Variants in TDRD1 observed in about 807,000 individuals in gnomAD.
TDRD1 encodes tudor domain containing 1, also known as tudor domain-containing protein 1.
In TDRD1, 37 loss-of-function variants were observed where a neutral mutation model predicts 140.6. That is an observed-to-expected ratio of 0.26 (90% CI 0.20 to 0.35). TDRD1 has a LOEUF of 0.35. Among genes scored for constraint, TDRD1 ranks in the 10% least tolerant of loss-of-function variants. The probability of loss-of-function intolerance (pLI) is 1.00; values close to 1 mark genes in which losing one functional copy is unlikely to be tolerated. For missense variants in TDRD1, 1,243 were observed against 1,393.0 expected (o/e 0.89, Z 1.71); for synonymous variants, 506 against 475.7 (o/e 1.06, Z -0.83).
At chr10:114,209,746 T>C (rs2035363013) in intron 11 of TDRD1, among the ~76,000 whole-genome samples, 1 of 152,238 alleles carries the variant, frequency 6.6e-6, no homozygotes, top group Non-Finnish European at 1.5e-5. Context: ...AGTCAACCTA[T>C]AGGTTCATGG....
chr10:114,196,224 T>A (rs2034337387), intron 3 of TDRD1, among the ~76,000 whole-genome samples: 1 of 152,206 alleles, frequency 6.6e-6, no homozygotes, highest in South Asian at 2.1e-4. Flanking sequence ...GATTACAAAG[T>A]GAGCCACTGA....
At position 114,206,246 on chromosome 10, in the gene TDRD1, A is replaced by C. The variant is rs2035092408; in HGVS notation, c.1300A>C (p.Lys434Gln). Residue 434 changes from lysine (K) to glutamine (Q), a missense_variant and splice_region_variant, in exon 11 of 26, where the codon AAA becomes CAA. Transcript: ENST00000251864. ...ATATTTTCTTAATCACTTTTTAGGA[A>C]AACTTTTAGACCATGTGCTTATAGA... 2.5e-6 allele frequency: 4 copies of C among 1,611,784 alleles called. No individual in the cohort carries two copies. The East Asian group carries it at 8.9e-5, about 36-fold the overall frequency.
chr10:114,200,189 A>G (rs2034635514), intron 4 of TDRD1, among the ~76,000 whole-genome samples: 1 of 152,210 alleles, frequency 6.6e-6, no homozygotes, highest in Non-Finnish European at 1.5e-5. Flanking sequence ...ATTTTTCAGT[A>G]CGTAAGTCTT....
At chr10:114,212,136 A>G (rs2035525391) in intron 14 of TDRD1, 100 bp downstream of exon 14, 3 of 1,079,868 alleles carry the variant, frequency 2.8e-6, no homozygotes, top group Middle Eastern at 2.8e-4. Flanking sequence ...TCAAAACAAC[A>G]TCATGATCAG....
At chr10:114,209,308 T>C (rs891875635) in intron 11 of TDRD1, among the ~76,000 whole-genome samples, 1 of 152,146 alleles carries the variant, frequency 6.6e-6, no homozygotes, top group Non-Finnish European at 1.5e-5. Context: ...ACTCCACCTA[T>C]GTACACGTGA....
intron 1 of TDRD1, among the ~76,000 whole-genome samples, chr10:114,185,579 A>G (rs919340186): frequency 1.3e-5 from 2 of 152,010 alleles, no homozygotes; most frequent in African/African-American, 2.4e-5. Flanking sequence ...TATTAACATT[A>G]TATCTTTTTT....
Position 114,227,528 on chromosome 10 carries a change from G to A in TDRD1, c.3403+229G>A, listed in dbSNP as rs141429509. Among the ~76,000 whole-genome samples the A allele has an allele frequency of 1.6e-4, 24 of 152,276 alleles. No homozygotes were observed. In the East Asian group the frequency reaches 4.6e-3, roughly 29 times the overall value. On this transcript the variant is annotated intron_variant, in intron 23 of 25. Transcript: ENST00000251864. Reference sequence around the variant, plus strand: ...GATCAGACTTGTCAGCACTGCTGTGGGAATTGACACCAAGAGCTTTGAAAA... The same window carrying A: ...GATCAGACTTGTCAGCACTGCTGTGAGAATTGACACCAAGAGCTTTGAAAA...
chr10:114,199,825 T>C (rs765272257), intron 4 of TDRD1, among the ~76,000 whole-genome samples: 4 of 152,260 alleles, frequency 2.6e-5, no homozygotes. Flanking sequence ...AGTATCTCAT[T>C]GTATGGTTAT....
chr10:114,212,150 C>T, intron 14 of TDRD1, 114 bp downstream of exon 14: 1 of 907,142 alleles, frequency 1.1e-6, no homozygotes, highest in South Asian at 1.9e-5. Context: ...TGATCAGATG[C>T]TTAAAAGTTA....
chr10:114,228,250 A>G (rs1053915564), intron 25 of TDRD1: 1 of 1,440,892 alleles, frequency 6.9e-7, no homozygotes, highest in African/African-American at 1.4e-5. Flanking sequence ...TCGTGATTTA[A>G]TGACCTGAGG....
chr10:114,184,080 G>A lies in TDRD1; in HGVS notation c.-6-3746G>A, dbSNP rs1318926088. Reference sequence around the variant, plus strand: ...ATTTCTAAATTGCTTCCCAGAAAGAGTATATTAATTGATACTCCCTTCAGT... The same window carrying A: ...ATTTCTAAATTGCTTCCCAGAAAGAATATATTAATTGATACTCCCTTCAGT... On this transcript the variant is annotated intron_variant, in intron 1 of 25. Coordinates refer to ENST00000251864, the Ensembl canonical transcript of TDRD1. Among the ~76,000 whole-genome samples, 3 of 151,988 alleles carry A rather than the reference G, an allele frequency of 2.0e-5. No individual in the cohort carries two copies. The East Asian group carries it at 5.8e-4, about 29-fold the overall frequency.
chr10:114,214,859 T>C (rs533631859), intron 16 of TDRD1, among the ~76,000 whole-genome samples: 4 of 151,966 alleles, frequency 2.6e-5, no homozygotes, highest in South Asian at 2.1e-4. Flanking sequence ...TGTCTCAGCC[T>C]CCTGAGTAGC....
At chr10:114,178,493 C>A (rs1050723010), upstream of TDRD1, among the ~76,000 whole-genome samples, 4 of 152,168 alleles carry the variant, frequency 2.6e-5, no homozygotes, top group African/African-American at 9.7e-5. Context: ...CAGAAAAAGG[C>A]AAGGCCTAGA....
At chr10:114,232,007 T>G (rs1379887469) in exon 26 of TDRD1, 2 of 152,650 alleles carry the variant, frequency 1.3e-5, no homozygotes, top group African/African-American at 2.4e-5. Context: ...TTTGTAATAT[T>G]CCCTGCATTC....
chr10:114,190,047 G>A (rs1589661524), intron 2 of TDRD1, among the ~76,000 whole-genome samples: 1 of 152,070 alleles, frequency 6.6e-6, no homozygotes, highest in South Asian at 2.1e-4. Context: ...AGAACATTAA[G>A]TATTCCTCCT....
intron 25 of TDRD1, among the ~76,000 whole-genome samples, chr10:114,229,151 A>G (rs2036611126): frequency 6.6e-6 from 1 of 152,154 alleles, no homozygotes; most frequent in Non-Finnish European, 1.5e-5. Context: ...TCTCCTCACC[A>G]CTTTGAGTTG....
chr10:114,209,385 C>T (rs1446418061), intron 11 of TDRD1, among the ~76,000 whole-genome samples: 1 of 152,164 alleles, frequency 6.6e-6, no homozygotes, highest in Admixed American at 6.5e-5. Flanking sequence ...GAATCTCAGC[C>T]CCCTTACTCC....
At position 114,203,518 on chromosome 10, in the gene TDRD1, A is replaced by G. The variant is rs150428200; in HGVS notation, c.932A>G (p.Tyr311Cys). ...TATGCAAATGTGCATGAAAAAGACT[A>G]TATTCCTGTTAAGGGGGAAGTTTGT... is the stretch of plus-strand genomic sequence containing the variant. Residue 311 changes from tyrosine (Y) to cysteine (C), a missense_variant, in exon 8 of 26, where the codon TAT becomes TGT. Transcript: ENST00000251864. The G allele has an allele frequency of 1.2e-4, 188 of 1,613,328 alleles. No homozygotes were observed. In the African/African-American group the frequency reaches 2.2e-3, roughly 19 times the overall value.
intron 20 of TDRD1, among the ~76,000 whole-genome samples, chr10:114,222,129 C>G (rs573370166): frequency 6.6e-6 from 1 of 152,262 alleles, no homozygotes; most frequent in South Asian, 2.1e-4. Flanking sequence ...AAATTTATCT[C>G]TAATACTACA....
Sources: allele counts gnomAD v4.1 joint callset (sites outside exome capture counted in the v4.1 genomes callset), GRCh38; gene constraint gnomAD v4.1.1; transcripts MANE v1.5; gene names NCBI Gene and HGNC (gene_info 2026-07-23, HGNC 2026-07-21).